CAMK1D: variants seen among roughly 807,000 people sequenced by gnomAD.
The protein encoded by CAMK1D is calcium/calmodulin-dependent protein kinase type 1D.
Under a neutral mutation model 47.7 loss-of-function variants are expected in CAMK1D, and 9 were observed. That is an observed-to-expected ratio of 0.19 (90% CI 0.11 to 0.33). The LOEUF (loss-of-function observed/expected upper bound fraction) is 0.33, where lower values mean the gene tolerates loss of function less well. Ranked by LOEUF, CAMK1D falls within the 10% of genes least tolerant of loss-of-function variation. The probability of loss-of-function intolerance (pLI) is 1.00; values close to 1 mark genes in which losing one functional copy is unlikely to be tolerated. For missense variants in CAMK1D, 291 were observed against 488.7 expected, an observed-to-expected ratio of 0.60 and a Z score of 3.81; for synonymous variants, 184 against 184.9, an observed-to-expected ratio of 0.99 and a Z score of 0.04.
In CAMK1D at chr10:12,834,703, A is replaced by G. The variant is rs1455338045; in HGVS notation, c.*5816A>G. 6.6e-6 allele frequency: 1 copy of G among 152,184 alleles called. No homozygotes were observed. Among genetic ancestry groups the G allele is most frequent in the Non-Finnish European group, 1.5e-5 (1 of 68,032 alleles). The allele number at this position is 152,184 out of a possible 1,614,324, so 9.4% of individuals were successfully genotyped here. A position where few individuals can be genotyped will look rare whatever the true frequency, so the allele number is the denominator to read the frequency against. ...TATTTTCTTATGGACAGGAAAAAAG[A>G]AAATGAGGAGGAGTTGGTTTTACTC... is the stretch of plus-strand genomic sequence containing the variant. On this transcript the variant is annotated 3_prime_UTR_variant, in exon 11 of 11. Coordinates refer to ENST00000619168, the MANE Select transcript of CAMK1D (RefSeq NM_153498.4).
At chr10:12,548,498 T>A (rs1341703811) in intron 1 of CAMK1D, among the ~76,000 whole-genome samples, 2 of 142,890 alleles carry the variant, frequency 1.4e-5, no homozygotes, top group African/African-American at 5.2e-5. Flanking sequence ...AAGGTCTTGC[T>A]CTATGGCCCA....
chr10:12,740,802 C>T (rs770886181), intron 3 of CAMK1D, among the ~76,000 whole-genome samples: 3 of 152,150 alleles, frequency 2.0e-5, no homozygotes, highest in Non-Finnish European at 4.4e-5. Context: ...TTCCATAGTA[C>T]TGGGTACTGA....
At chr10:12,640,885 A>G (rs1004226658) in intron 2 of CAMK1D, among the ~76,000 whole-genome samples, 24 of 152,138 alleles carry the variant, frequency 1.6e-4, no homozygotes, top group African/African-American at 5.3e-4. Flanking sequence ...TTCTAAGTAC[A>G]TTCTTTCTTT....
chr10:12,440,271 C>T lies in CAMK1D; in HGVS notation c.92+90361C>T, dbSNP rs149756058. Among the ~76,000 whole-genome samples the T allele has an allele frequency of 1.1e-4, 16 of 147,074 alleles. No homozygotes were observed. The East Asian group carries it at 3.0e-3, about 28-fold the overall frequency. ...TCTTTTTCCTGCCATTCCAACTATA[C>T]GTTAGTCTTTTTGGATTTTTTTTTT... is the stretch of plus-strand genomic sequence containing the variant. On this transcript the variant is annotated intron_variant, in intron 1 of 10. Coordinates refer to ENST00000619168, the MANE Select transcript of CAMK1D (RefSeq NM_153498.4).
At chr10:12,380,846 A>T (rs1451468062) in intron 1 of CAMK1D, among the ~76,000 whole-genome samples, 1 of 152,154 alleles carries the variant, frequency 6.6e-6, no homozygotes, top group Non-Finnish European at 1.5e-5. Flanking sequence ...ACAGAGCAAG[A>T]CTCTGTCTCA....
chr10:12,425,933 A>G (rs1840214907), intron 1 of CAMK1D, among the ~76,000 whole-genome samples: 1 of 152,248 alleles, frequency 6.6e-6, no homozygotes, highest in Non-Finnish European at 1.5e-5. Context: ...GAACTGAGAA[A>G]ACAGACTAAA....
chr10:12,423,135 GTTC>G (rs1365610603), intron 1 of CAMK1D, among the ~76,000 whole-genome samples: 1 of 152,016 alleles, frequency 6.6e-6, no homozygotes, highest in Non-Finnish European at 1.5e-5. Flanking sequence ...CCGCTTCTGT[GTTC>G]TTCTAGGACT....
rs555667597 is a variant in CAMK1D, at chr10:12,515,768, C to A, written c.93-37457C>A. On this transcript the variant is annotated intron_variant, in intron 1 of 10. Coordinates refer to ENST00000619168, the MANE Select transcript of CAMK1D (RefSeq NM_153498.4). ...GGGACTATAAGCGCCTGCCACAGCA[C>A]CCGGCTAATTTTTTTTGTATTTTTA... Among the ~76,000 whole-genome samples the A allele has an allele frequency of 2.5e-4, 38 of 151,956 alleles. No individual in the cohort carries two copies. The South Asian group carries it at 7.5e-3, about 30-fold the overall frequency.
intron 3 of CAMK1D, among the ~76,000 whole-genome samples, chr10:12,672,221 A>G (rs1187012909): frequency 1.3e-5 from 2 of 150,894 alleles, no homozygotes; most frequent in African/African-American, 4.9e-5. Flanking sequence ...GGCCACTGTC[A>G]CCTAATTCTT....
intron 3 of CAMK1D, among the ~76,000 whole-genome samples, chr10:12,722,770 C>T (rs1222067311): frequency 6.6e-6 from 1 of 151,932 alleles, no homozygotes; most frequent in African/African-American, 2.4e-5. Context: ...AGCATTAAGG[C>T]GGAAACAGAA....
intron 6 of CAMK1D, among the ~76,000 whole-genome samples, chr10:12,795,385 G>A (rs1292742022): frequency 1.3e-5 from 2 of 152,128 alleles, no homozygotes; most frequent in East Asian, 1.9e-4. Flanking sequence ...CTTCCTGTGG[G>A]TCCACCGTGC....
intron 1 of CAMK1D, among the ~76,000 whole-genome samples, chr10:12,355,519 G>C (rs921029566): frequency 2.0e-5 from 3 of 151,934 alleles, no homozygotes; most frequent in Admixed American, 2.0e-4. Context: ...GGGAGAGAAT[G>C]CACAAACACT....
chr10:12,429,633 CCTGGCCCCCATT>C (rs1840373924), intron 1 of CAMK1D, among the ~76,000 whole-genome samples: 1 of 152,204 alleles, frequency 6.6e-6, no homozygotes, highest in South Asian at 2.1e-4. Flanking sequence ...AGCCACCATG[CCTGGCCCCCATT>C]CTCTCTTATA....
At chr10:12,526,313 G>GTTCTTCAAGTTGTAGTTTAA (rs1835619901) in intron 1 of CAMK1D, among the ~76,000 whole-genome samples, 2 of 152,198 alleles carry the variant, frequency 1.3e-5, no homozygotes, top group Non-Finnish European at 2.9e-5. Flanking sequence ...GACTTACGTG[G>GTTCTTCAAGTTGTAGTTTAA]TTCTTCAAGT....
chr10:12,747,785 A>G (rs1402154160), intron 3 of CAMK1D, among the ~76,000 whole-genome samples: 1 of 152,154 alleles, frequency 6.6e-6, no homozygotes, highest in African/African-American at 2.4e-5. Flanking sequence ...CATTTATATC[A>G]GTTCAAAGTC....
intron 4 of CAMK1D, among the ~76,000 whole-genome samples, chr10:12,767,358 G>A (rs11257981): frequency 0.25 from 38,404 of 151,922 alleles, 5,517 homozygotes; most frequent in Middle Eastern, 0.38. Context: ...TGTATTTTTA[G>A]TAGAGACGGG....
chr10:12,743,192 C>A (rs1835507924), intron 3 of CAMK1D, among the ~76,000 whole-genome samples: 1 of 151,772 alleles, frequency 6.6e-6, no homozygotes, highest in East Asian at 1.9e-4. Context: ...ACTAAAAATA[C>A]AAAAATTAGC....
intron 1 of CAMK1D, among the ~76,000 whole-genome samples, chr10:12,375,140 ATCTTCATGAGAGCAGGGGACACTT>A (rs1418285899): frequency 6.6e-6 from 1 of 151,984 alleles, no homozygotes; most frequent in Non-Finnish European, 1.5e-5. Context: ...TGCAACCGAA[ATCTTCATGAGAGCAGGGGACACTT>A]TCTTACATGT....
chr10:12,359,054 C>T (rs966640987), intron 1 of CAMK1D, among the ~76,000 whole-genome samples: 7 of 152,158 alleles, frequency 4.6e-5, no homozygotes, highest in Non-Finnish European at 1.0e-4. Flanking sequence ...GTTGTTCTTC[C>T]TGGTACAGTG....
Sources: allele counts gnomAD v4.1 joint callset (sites outside exome capture counted in the v4.1 genomes callset), GRCh38; gene constraint gnomAD v4.1.1; transcripts MANE v1.5; gene names NCBI Gene and HGNC (gene_info 2026-07-23, HGNC 2026-07-21).